Variants in SENP8 observed in about 807,000 individuals in gnomAD.
The protein encoded by SENP8 is SUMO peptidase family member, NEDD8 specific, also known as sentrin-specific protease 8.
SENP8 carries 10 observed loss-of-function variants against 14.4 expected under a neutral mutation model. The ratio of observed to expected loss-of-function variants is 0.69; its 90% CI spans 0.43 to 1.18. SENP8 has a LOEUF of 1.18. Ranked by LOEUF, SENP8 falls within the 50% of genes most tolerant of loss-of-function variation. The pLI is 0.00. For missense variants in SENP8, 202 were observed against 249.4 expected (o/e 0.81, Z 1.28); for synonymous variants, 94 against 95.5 (o/e 0.98, Z 0.09).
chr15:72,122,866 A>G (rs1457118371), intron 1 of SENP8, among the ~76,000 whole-genome samples: 1 of 152,200 alleles, frequency 6.6e-6, no homozygotes, highest in Non-Finnish European at 1.5e-5. Context: ...TCCACAATCA[A>G]CTTATAAAAG....
At position 72,140,731 on chromosome 15, in the gene SENP8, G is replaced by A. The variant is rs140320954; in HGVS notation, c.*469G>A. 9.8e-3 allele frequency: 1,668 copies of A among 170,778 alleles called. 28 individuals are homozygous for A. The highest frequency in any genetic ancestry group is 0.038 in the African/African-American group (1,571 of 41,590). 10.6% of individuals were successfully genotyped at this position (170,778 alleles called of 1,614,324 possible). A position where few individuals can be genotyped will look rare whatever the true frequency, so the allele number is the denominator to read the frequency against. ...TACATAATTAAGAGATCAACTGGCT[G>A]GAAGCAGATCAAGGCCTAACTTCAT... On this transcript the variant is annotated 3_prime_UTR_variant, in exon 2 of 2. Coordinates refer to ENST00000340912, the MANE Select transcript of SENP8 (RefSeq NM_145204.4).
chr15:72,137,982 A>AT (rs2081343134), intron 1 of SENP8, among the ~76,000 whole-genome samples: 1 of 152,126 alleles, frequency 6.6e-6, no homozygotes, highest in African/African-American at 2.4e-5. Context: ...AAAAAAAAAA[A>AT]GAAAAAGAAA....
At position 72,133,290 on chromosome 15, in the gene SENP8, C is replaced by T. The variant is rs190368185; in HGVS notation, c.-47-6287C>T. On this transcript the variant is annotated intron_variant, in intron 1 of 1. Transcript: ENST00000340912. ...AGCATTGACCTGGCCATTAATGGCT[C>T]CCACTTCCTCCAGTATAAATTTCAA... Among the ~76,000 whole-genome samples, 830 of 152,288 alleles carry T rather than the reference C, an allele frequency of 5.5e-3. 7 individuals are homozygous for T. Among genetic ancestry groups the T allele is most frequent in the Non-Finnish European group, 8.7e-3 (595 of 68,026 alleles).
chr15:72,135,558 A>C (rs2081319827), intron 1 of SENP8: 1 of 152,218 alleles, frequency 6.6e-6, no homozygotes, highest in East Asian at 1.9e-4. Flanking sequence ...TTGAATCTAA[A>C]ATTTAAGTCT....
chr15:72,127,951 A>C (rs1596646858), intron 1 of SENP8, among the ~76,000 whole-genome samples: 2 of 152,126 alleles, frequency 1.3e-5, no homozygotes, highest in South Asian at 4.1e-4. Context: ...TTAGCCAGAC[A>C]TGGTGGTATG....
chr15:72,122,084 C>G (rs986382247), intron 1 of SENP8, among the ~76,000 whole-genome samples: 2 of 152,112 alleles, frequency 1.3e-5, no homozygotes, highest in Non-Finnish European at 2.9e-5. Context: ...AGTCAGAACT[C>G]CTCTCTTTTT....
At chr15:72,120,064 A>G (rs2151318811) in intron 1 of SENP8, among the ~76,000 whole-genome samples, 1 of 152,328 alleles carries the variant, frequency 6.6e-6, no homozygotes, top group Non-Finnish European at 1.5e-5. Context: ...AGAGACCAAC[A>G]TCCAGAGCTA....
At chr15:72,133,913 ACCT>A (rs1230887848) in intron 1 of SENP8, among the ~76,000 whole-genome samples, 1 of 152,142 alleles carries the variant, frequency 6.6e-6, no homozygotes, top group Admixed American at 6.5e-5. Context: ...CATAATAGAT[ACCT>A]AGAAACACTT....
intron 1 of SENP8, among the ~76,000 whole-genome samples, chr15:72,137,154 T>C (rs377160411): frequency 2.6e-5 from 4 of 152,278 alleles, no homozygotes; most frequent in African/African-American, 9.6e-5. Flanking sequence ...TACAACTTTT[T>C]AAACTCTTTT....
chr15:72,140,862 T>TTGA lies in SENP8; in HGVS notation c.*602_*604dup, dbSNP rs1444087029. Reference sequence around the variant, plus strand: ...CTATCTATATAATGTTTGCAAATATTTGATAAAGATGATGTTACCCTATCT... The same window carrying TTGA: ...CTATCTATATAATGTTTGCAAATATTTGATGATAAAGATGATGTTACCCTATCT... On this transcript the variant is annotated 3_prime_UTR_variant, in exon 2 of 2. Transcript: ENST00000340912. 2.4e-5 allele frequency: 4 copies of TTGA among 167,168 alleles called. No individual in the cohort carries two copies. In the East Asian group the frequency reaches 7.7e-4, roughly 32 times the overall value. 10.4% of individuals were successfully genotyped at this position (167,168 alleles called of 1,614,324 possible). A position where few individuals can be genotyped will look rare whatever the true frequency, so the allele number is the denominator to read the frequency against.
At chr15:72,134,230 G>T (rs996740170) in intron 1 of SENP8, among the ~76,000 whole-genome samples, 1 of 152,140 alleles carries the variant, frequency 6.6e-6, no homozygotes, top group African/African-American at 2.4e-5. Flanking sequence ...TCCTAGTTAT[G>T]TATGTTTCTT....
At chr15:72,119,235 T>C (rs928640225) in intron 1 of SENP8, among the ~76,000 whole-genome samples, 2 of 152,070 alleles carry the variant, frequency 1.3e-5, no homozygotes, top group Non-Finnish European at 2.9e-5. Flanking sequence ...AAGATCAAGA[T>C]CACTAGTGGA....
rs1400542240 is a variant in SENP8 at position 72,140,353 on chromosome 15, T to C, written c.*91T>C. 9.1e-6 allele frequency: 8 copies of C among 882,612 alleles called. No homozygotes were observed. The highest frequency in any genetic ancestry group is 1.4e-5 in the Non-Finnish European group (8 of 552,098). The allele number at this position is 882,612 out of a possible 1,614,324, so 54.7% of individuals were successfully genotyped here. On this transcript the variant is annotated 3_prime_UTR_variant, in exon 2 of 2. Coordinates refer to ENST00000340912, the MANE Select transcript of SENP8 (RefSeq NM_145204.4). The stretch of plus-strand genomic sequence containing the variant: ...TGCAATCTCAGTGCCTGAGGGAAGA[T>C]GCCTAGTAGAGGAAAGCTTAATACT...
chr15:72,142,151 T>C lies in SENP8; in HGVS notation c.*1889T>C, dbSNP rs1487888640. 6.6e-6 allele frequency: 1 copy of C among 152,116 alleles called. No individual in the cohort carries two copies. Among genetic ancestry groups the C allele is most frequent in the East Asian group, 1.9e-4 (1 of 5,202 alleles). 9.4% of individuals were successfully genotyped at this position (152,116 alleles called of 1,614,324 possible). ...TCTTTTAAATATATATAGAAAAATA[T>C]ATATACACACGTATAGACATGTATA... On this transcript the variant is annotated 3_prime_UTR_variant, in exon 2 of 2. Transcript: ENST00000340912.
chr15:72,116,655 TA>T (rs554559863), upstream of SENP8, among the ~76,000 whole-genome samples: 54 of 152,298 alleles, frequency 3.5e-4, no homozygotes, highest in African/African-American at 1.2e-3. Context: ...TAGTATCCTT[TA>T]AAAATAAAAA....
chr15:72,131,588 A>G (rs1272323427), intron 1 of SENP8, among the ~76,000 whole-genome samples: 2 of 152,216 alleles, frequency 1.3e-5, no homozygotes, highest in Non-Finnish European at 2.9e-5. Flanking sequence ...ATCTCCTTCT[A>G]TTAAAATTAA....
intron 1 of SENP8, among the ~76,000 whole-genome samples, chr15:72,126,160 A>G (rs1407120040): frequency 1.3e-5 from 2 of 152,124 alleles, no homozygotes; most frequent in Non-Finnish European, 2.9e-5. Flanking sequence ...GGAAATACCT[A>G]TGAAAGCCTG....
At position 72,140,268 on chromosome 15, in the gene SENP8, G is replaced by A. The variant is rs754381260; in HGVS notation, c.*6G>A. ...CCACACTTGCTAAAAAGTAGCTATTGAAGTATATTTGCGACTTTTGAAGGC... is the reference window on the plus strand; with the variant it reads ...CCACACTTGCTAAAAAGTAGCTATTAAAGTATATTTGCGACTTTTGAAGGC... On this transcript the variant is annotated 3_prime_UTR_variant, in exon 2 of 2. Transcript: ENST00000340912. 2.5e-6 allele frequency: 4 copies of A among 1,605,148 alleles called. No individual in the cohort carries two copies. Among genetic ancestry groups the A allele is most frequent in the East Asian group, 2.2e-5 (1 of 44,846 alleles).
At chr15:72,135,108 C>G (rs1405531385) in intron 1 of SENP8, 1 of 220,836 alleles carries the variant, frequency 4.5e-6, no homozygotes, top group Non-Finnish European at 9.1e-6. Context: ...GTCACCCAGG[C>G]TGGAATGCAA....
Sources: allele counts gnomAD v4.1 joint callset (sites outside exome capture counted in the v4.1 genomes callset), GRCh38; gene constraint gnomAD v4.1.1; transcripts MANE v1.5; gene names NCBI Gene and HGNC (gene_info 2026-07-23, HGNC 2026-07-21).